The following IGFBP6 variants were observed in gnomAD, a reference collection of about 807,000 sequenced individuals.
IGFBP6 encodes insulin-like growth factor-binding protein 6.
In IGFBP6, 24 loss-of-function variants were observed where a neutral mutation model predicts 24.5. The observed-to-expected ratio is 0.98, with a 90% CI of 0.71 to 1.38. The LOEUF (loss-of-function observed/expected upper bound fraction) is 1.38, where lower values mean the gene tolerates loss of function less well. Among genes scored for constraint, IGFBP6 ranks in the 40% most tolerant of loss-of-function variants. The probability of loss-of-function intolerance (pLI) is 0.00; values close to 1 mark genes in which losing one functional copy is unlikely to be tolerated. For missense variants in IGFBP6, 331 were observed against 324.8 expected (o/e 1.02, Z -0.15); for synonymous variants, 147 against 137.4 (o/e 1.07, Z -0.49).
chr12:53,097,941 C>A lies in IGFBP6; in HGVS notation c.224C>A (p.Thr75Asn), dbSNP rs371824110. 6.6e-7 allele frequency: 1 copy of A among 1,512,144 alleles called. No homozygotes were observed. Among genetic ancestry groups the A allele is most frequent in the Non-Finnish European group, 8.8e-7 (1 of 1,134,676 alleles). 93.7% of individuals were successfully genotyped at this position (1,512,144 alleles called of 1,614,324 possible). ...GAGGGGCAGGAGTGCGGGGTCTACA[C>A]CCCTAACTGCGCCCCAGGACTGCAG... ...RREGQECGVY[T>N]PNCAPGLQCH... The change falls in exon 1 of 4, where the codon ACC becomes AAC. Residue 75 changes from threonine (T) to asparagine (N), a missense_variant. By Grantham distance (65) the Thr-to-Asn change is moderately conservative. Coordinates refer to ENST00000301464, the MANE Select transcript of IGFBP6 (RefSeq NM_002178.3).
At chr12:53,101,453 CT>C (rs1937826708) in intron 3 of IGFBP6, among the ~76,000 whole-genome samples, 1 of 152,234 alleles carries the variant, frequency 6.6e-6, no homozygotes. Flanking sequence ...CACCGGCAGC[CT>C]TCCTGATTCA....
In IGFBP6 at chr12:53,098,007, T is replaced by A; in HGVS notation, c.290T>A (p.Leu97Gln). 8 of 1,512,094 alleles carry A rather than the reference T, an allele frequency of 5.3e-6. No individual in the cohort carries two copies. The highest frequency in any genetic ancestry group is 7.0e-6 in the Non-Finnish European group (8 of 1,138,098). The allele number at this position is 1,512,094 out of a possible 1,614,324, so 93.7% of individuals were successfully genotyped here. Reference protein sequence around the residue: ...PKDDEAPLRALLLGRGRCLPA... With the variant: ...PKDDEAPLRAQLLGRGRCLPA... Reference sequence around the variant, plus strand: ...GACGACGAGGCGCCTTTGCGGGCGCTGCTGCTCGGCCGAGGCCGCTGCCTT... The same window carrying A: ...GACGACGAGGCGCCTTTGCGGGCGCAGCTGCTCGGCCGAGGCCGCTGCCTT... Residue 97 changes from leucine (L) to glutamine (Q), a missense_variant, in exon 1 of 4, where the codon CTG becomes CAG. Coordinates refer to ENST00000301464, the MANE Select transcript of IGFBP6 (RefSeq NM_002178.3).
Position 53,097,948 on chromosome 12 carries a change from C to A in IGFBP6, c.231C>A (p.Asn77Lys). ...AGGAGTGCGGGGTCTACACCCCTAA[C>A]TGCGCCCCAGGACTGCAGTGCCATC... ...EGQECGVYTP[N>K]CAPGLQCHPP... Residue 77 changes from asparagine (N) to lysine (K), a missense_variant, in exon 1 of 4, where the codon AAC becomes AAA. Coordinates refer to ENST00000301464, the MANE Select transcript of IGFBP6 (RefSeq NM_002178.3). 1 of 1,513,204 alleles carries A rather than the reference C, an allele frequency of 6.6e-7. No homozygotes were observed. The highest frequency in any genetic ancestry group is 1.2e-5 in the South Asian group (1 of 80,330). The allele number at this position is 1,513,204 out of a possible 1,614,324, so 93.7% of individuals were successfully genotyped here.
chr12:53,101,200 CT>C, intron 3 of IGFBP6, 40 bp downstream of exon 3: 1 of 1,604,278 alleles, frequency 6.2e-7, no homozygotes. Flanking sequence ...CAGCAGAAGG[CT>C]CCTGCCAGGG....
intron 1 of IGFBP6, among the ~76,000 whole-genome samples, chr12:53,100,500 A>G (rs1937808881): frequency 6.6e-6 from 1 of 152,224 alleles, no homozygotes; most frequent in Non-Finnish European, 1.5e-5. Flanking sequence ...CATCTCCTTT[A>G]TAAGCCTTAA....
intron 3 of IGFBP6, 121 bp from the exon 4 acceptor site, chr12:53,101,924 A>AT: frequency 1.3e-6 from 1 of 789,464 alleles, no homozygotes; most frequent in Non-Finnish European, 1.9e-6. Flanking sequence ...AAAAAAAAAA[A>AT]GAGAGGGAAC....
At position 53,100,693 on chromosome 12, in the gene IGFBP6, TCTC is replaced by T; in HGVS notation, c.335-16_335-14del. ...CTCTGCCTGATTTCTGACCTCTCCT[TCTC>T]CTATTCCTCCTCCAGTTGCAGAGGA... On this transcript the variant is annotated splice_polypyrimidine_tract_variant and intron_variant, in intron 1 of 3. Coordinates refer to ENST00000301464, the MANE Select transcript of IGFBP6 (RefSeq NM_002178.3). The T allele has an allele frequency of 1.2e-6, 2 of 1,613,712 alleles. No homozygotes were observed. The highest frequency in any genetic ancestry group is 1.7e-6 in the Non-Finnish European group (2 of 1,179,916).
chr12:53,101,986 C>T, intron 3 of IGFBP6, 59 bp from the exon 4 acceptor site: 1 of 1,550,888 alleles, frequency 6.4e-7, no homozygotes, highest in Non-Finnish European at 8.7e-7. Context: ...GATGTCCCCT[C>T]TCATTCTCCT....
chr12:53,100,794 G>T lies in IGFBP6; in HGVS notation c.417G>T (p.Arg139Ser). 6.2e-7 allele frequency: 1 copy of T among 1,614,232 alleles called. No individual in the cohort carries two copies. The highest frequency in any genetic ancestry group is 8.5e-7 in the Non-Finnish European group (1 of 1,180,056). ...ATGTGAACCGCAGAGACCAACAGAG[G>T]AATCCAGGCACCTCTACCACGCCCT... Reference protein sequence around the residue: ...PQDVNRRDQQRNPGTSTTPSQ... With the variant: ...PQDVNRRDQQSNPGTSTTPSQ... Residue 139 changes from arginine to serine, a missense_variant, in exon 2 of 4, where the codon AGG becomes AGT. Transcript: ENST00000301464.
rs1937828409 is a variant in IGFBP6 at position 53,101,567 on chromosome 12, A to G, written c.600+407A>G. Among the ~76,000 whole-genome samples the G allele has an allele frequency of 2.0e-5, 3 of 152,150 alleles. No individual in the cohort carries two copies. In the South Asian group the frequency reaches 6.2e-4, roughly 32 times the overall value. On this transcript the variant is annotated intron_variant, in intron 3 of 3. Transcript: ENST00000301464. ...AAAACTACTGTTCCAGGCTAGCAGA[A>G]TGCACACAATTTATTGGTTGAAGAG...
chr12:53,098,271 C>T (rs1301332444), intron 1 of IGFBP6, among the ~76,000 whole-genome samples: 2 of 152,228 alleles, frequency 1.3e-5, no homozygotes, highest in African/African-American at 4.8e-5. Flanking sequence ...TCTGCGCTCT[C>T]GGCCTTCTTT....
chr12:53,098,061 C>CGCCCCGCCCCT lies in IGFBP6; in HGVS notation c.334+20_334+30dup, dbSNP rs1937772087. ...GCCCGCGCGCCTGCTGGTGAGTCCG[C>CGCCCCGCCCCT]GCCCCGCCCCTGCCCCGCCCACGTG... On this transcript the variant is annotated intron_variant, in intron 1 of 3. Transcript: ENST00000301464. The CGCCCCGCCCCT allele has an allele frequency of 1.3e-5, 19 of 1,424,216 alleles. No homozygotes were observed. The South Asian group carries it at 1.9e-4, about 15-fold the overall frequency. 88.2% of individuals were successfully genotyped at this position (1,424,216 alleles called of 1,614,324 possible).
At chr12:53,101,949 T>C (rs1184269526) in intron 3 of IGFBP6, 96 bp from the exon 4 acceptor site, 34 of 651,440 alleles carry the variant, frequency 5.2e-5, no homozygotes, top group South Asian at 1.5e-4. Flanking sequence ...GAGGAGACGC[T>C]CAGGTGTTTT....
In IGFBP6 at chr12:53,097,889, G is replaced by T; in HGVS notation, c.172G>T (p.Ala58Ser). Residue 58 changes from alanine (A) to serine (S), a missense_variant, in exon 1 of 4, where the codon GCG becomes TCG. Coordinates refer to ENST00000301464, the MANE Select transcript of IGFBP6 (RefSeq NM_002178.3). ...EDGGSPAEGC[A>S]EAEGCLRREG... ...TGGGGGGTCGCCAGCCGAGGGCTGC[G>T]CGGAAGCTGAGGGCTGTCTCAGGAG... The T allele has an allele frequency of 6.6e-7, 1 of 1,518,246 alleles. No homozygotes were observed. The allele number at this position is 1,518,246 out of a possible 1,614,324, so 94.0% of individuals were successfully genotyped here. A position where few individuals can be genotyped will look rare whatever the true frequency, so the allele number is the denominator to read the frequency against.
intron 1 of IGFBP6, 74 bp from the exon 2 acceptor site, chr12:53,100,638 G>A: frequency 6.8e-7 from 1 of 1,477,252 alleles, no homozygotes; most frequent in East Asian, 2.3e-5. Flanking sequence ...ACTTCAGCAG[G>A]TGATGTGGGC....
At position 53,097,732 on chromosome 12, in the gene IGFBP6, G is replaced by A; in HGVS notation, c.15G>A (p.Arg5=). MTPH[R]LLPPLLLLLA... The stretch of plus-strand genomic sequence containing the variant: ...AAACCCTGACCATGACCCCCCACAG[G>A]CTGCTGCCACCGCTGCTGCTGCTGC... The change falls in exon 1 of 4, where the codon AGG becomes AGA. Residue 5 remains arginine, a synonymous_variant. Coordinates refer to ENST00000301464, the MANE Select transcript of IGFBP6 (RefSeq NM_002178.3). 1 of 1,545,236 alleles carries A rather than the reference G, an allele frequency of 6.5e-7. No homozygotes were observed. The highest frequency in any genetic ancestry group is 1.2e-5 in the South Asian group (1 of 84,012).
At chr12:53,100,987 G>A (rs1937817144) in intron 2 of IGFBP6, 54 bp from the exon 3 acceptor site, 1 of 1,606,354 alleles carries the variant, frequency 6.2e-7, no homozygotes. Flanking sequence ...CCAGAAGGTT[G>A]GAATGGGGAG....
At position 53,100,709 on chromosome 12, in the gene IGFBP6, C is replaced by T. The variant is rs1937811793; in HGVS notation, c.335-3C>T. ...ACCTCTCCTTCTCCTATTCCTCCTC[C>T]AGTTGCAGAGGAGAATCCTAAGGAG... is the stretch of plus-strand genomic sequence containing the variant. On this transcript the variant is annotated splice_region_variant and splice_polypyrimidine_tract_variant and intron_variant, in intron 1 of 3. Coordinates refer to ENST00000301464, the MANE Select transcript of IGFBP6 (RefSeq NM_002178.3). 6.2e-7 allele frequency: 1 copy of T among 1,613,808 alleles called. No homozygotes were observed. Among genetic ancestry groups the T allele is most frequent in the African/African-American group, 1.3e-5 (1 of 74,938 alleles).
chr12:53,101,111 C>T lies in IGFBP6; in HGVS notation c.551C>T (p.Thr184Ile). 6.2e-7 allele frequency: 1 copy of T among 1,614,206 alleles called. No individual in the cohort carries two copies. Among genetic ancestry groups the T allele is most frequent in the Non-Finnish European group, 8.5e-7 (1 of 1,180,024 alleles). ...ACTGAGGTCTACCGAGGGGCTCAAACACTCTACGTGCCCAATTGTGACCAT... is the reference window on the plus strand; with the variant it reads ...ACTGAGGTCTACCGAGGGGCTCAAATACTCTACGTGCCCAATTGTGACCAT... ...LQTEVYRGAQTLYVPNCDHRG... is the reference protein window; with the variant it reads ...LQTEVYRGAQILYVPNCDHRG... The change falls in exon 3 of 4, where the codon ACA (threonine) becomes ATA (isoleucine). Residue 184 changes from threonine to isoleucine, a missense_variant. Coordinates refer to ENST00000301464, the MANE Select transcript of IGFBP6 (RefSeq NM_002178.3).
Sources: gnomAD v4.1 joint callset for allele counts (sites outside exome capture counted in the v4.1 genomes callset) on GRCh38, gnomAD v4.1.1 for gene constraint, MANE v1.5 for transcripts, NCBI Gene and HGNC (gene_info 2026-07-23, HGNC 2026-07-21) for gene names.